The following MAGEC3 variants were observed in gnomAD, a reference collection of about 807,000 sequenced individuals.
The protein encoded by MAGEC3 is MAGE family member C3, also known as melanoma-associated antigen C3.
In MAGEC3, 34 loss-of-function variants were observed where a neutral mutation model predicts 35.3. The ratio of observed to expected loss-of-function variants is 0.96; its 90% CI spans 0.73 to 1.28. The LOEUF is 1.28. Among genes scored for constraint, MAGEC3 ranks in the 50% most tolerant of loss-of-function variants. The pLI, the probability that MAGEC3 is intolerant of heterozygous loss-of-function variation, is 0.00. For missense variants in MAGEC3, 561 were observed against 483.6 expected (o/e 1.16, Z -1.50); for synonymous variants, 202 against 185.6 (o/e 1.09, Z -0.72).
At chrX:141,863,753 C>G (rs867640366) in intron 1 of MAGEC3, among the ~76,000 whole-genome samples, 1 of 111,493 alleles carries the variant, frequency 9.0e-6, no homozygotes, top group Non-Finnish European at 1.9e-5. Flanking sequence ...TGGGGAAGTG[C>G]AAATTAAACC....
intron 4 of MAGEC3, among the ~76,000 whole-genome samples, chrX:141,889,668 A>G (rs1324336309): frequency 1.8e-5 from 2 of 112,022 alleles, no homozygotes; most frequent in African/African-American, 6.5e-5. Context: ...TAGTATTACC[A>G]TGCCCTGTGA....
chrX:141,888,037 A>G (rs2124122640), intron 4 of MAGEC3, among the ~76,000 whole-genome samples: 1 of 112,083 alleles, frequency 8.9e-6, no homozygotes, highest in South Asian at 3.8e-4. Flanking sequence ...GCATTCCATC[A>G]TCAAATGGAA....
intron 2 of MAGEC3, among the ~76,000 whole-genome samples, chrX:141,872,056 G>A (rs982007551): frequency 2.7e-5 from 3 of 110,179 alleles, no homozygotes; most frequent in African/African-American, 9.9e-5. Context: ...TAAGAAGAAG[G>A]ATTTTATGAG....
At chrX:141,839,843 G>A in intron 1 of MAGEC3, 3 of 497,942 alleles carry the variant, frequency 6.0e-6, no homozygotes, top group South Asian at 1.1e-4. Context: ...ATTGGTGGCA[G>A]CAGGGAATGC....
At chrX:141,847,699 G>C (rs747004609) in intron 1 of MAGEC3, among the ~76,000 whole-genome samples, 8 of 110,977 alleles carry the variant, frequency 7.2e-5, no homozygotes, top group Non-Finnish European at 1.3e-4. Flanking sequence ...AGAATTTATG[G>C]GGTCTGGCTA....
At chrX:141,859,064 G>A (rs1439514345) in intron 1 of MAGEC3, among the ~76,000 whole-genome samples, 2 of 90,508 alleles carry the variant, frequency 2.2e-5, no homozygotes, top group East Asian at 3.1e-4. Flanking sequence ...ATGACCATTC[G>A]CTTTGTTTCT....
intron 1 of MAGEC3, among the ~76,000 whole-genome samples, chrX:141,851,759 G>A (rs753728039): frequency 9.0e-6 from 1 of 111,104 alleles, no homozygotes; most frequent in South Asian, 3.8e-4. Flanking sequence ...CCACAAATGT[G>A]TGAATTTATT....
At chrX:141,878,652 C>T (rs971828929) in intron 2 of MAGEC3, among the ~76,000 whole-genome samples, 1 of 112,035 alleles carries the variant, frequency 8.9e-6, no homozygotes, top group Non-Finnish European at 1.9e-5. Context: ...TCCAGGCATC[C>T]CCAGGATGAC....
intron 4 of MAGEC3, among the ~76,000 whole-genome samples, chrX:141,882,612 T>G (rs1179456360): frequency 8.9e-6 from 1 of 112,430 alleles, no homozygotes; most frequent in East Asian, 2.8e-4. Flanking sequence ...GAAATAGACC[T>G]GGCTTTGCTT....
intron 3 of MAGEC3, among the ~76,000 whole-genome samples, chrX:141,880,110 C>A (rs1053882952): frequency 3.6e-5 from 4 of 111,338 alleles, no homozygotes; most frequent in African/African-American, 1.3e-4. Context: ...CTGAGGGTCC[C>A]GTGGCAAATC....
chrX:141,876,623 A>G (rs868835069), intron 2 of MAGEC3, among the ~76,000 whole-genome samples: 14 of 112,248 alleles, frequency 1.2e-4, no homozygotes, highest in South Asian at 3.7e-4. Context: ...AAGACTTATT[A>G]TTCTAAGAAT....
chrX:141,842,375 A>G (rs1183223104), intron 1 of MAGEC3, among the ~76,000 whole-genome samples: 1 of 111,696 alleles, frequency 9.0e-6, no homozygotes, highest in African/African-American at 3.2e-5. Context: ...ATGGAATTTC[A>G]GATGTCTGTT....
At chrX:141,852,360 T>C (rs2124088812) in intron 1 of MAGEC3, among the ~76,000 whole-genome samples, 1 of 110,530 alleles carries the variant, frequency 9.0e-6, no homozygotes, top group Non-Finnish European at 1.9e-5. Context: ...CCTTTAGGAT[T>C]TTCTATATAT....
chrX:141,843,334 G>T (rs1021399024), intron 1 of MAGEC3, among the ~76,000 whole-genome samples: 2 of 111,410 alleles, frequency 1.8e-5, no homozygotes, highest in Non-Finnish European at 3.8e-5. Flanking sequence ...GAAGCTACTA[G>T]GCCGGAGTAC....
intron 1 of MAGEC3, among the ~76,000 whole-genome samples, chrX:141,843,817 A>G (rs960227147): frequency 1.8e-5 from 2 of 110,822 alleles, no homozygotes; most frequent in African/African-American, 6.5e-5. Flanking sequence ...AAGAGTATAT[A>G]TAAGTGCAAT....
rs765351145 is a variant in MAGEC3 at position 141,878,460 on chromosome X, C to T, written c.259-715C>T. 2.9e-4 allele frequency among the ~76,000 whole-genome samples: 33 copies of T among 112,706 alleles called. No homozygotes were observed. The South Asian group carries it at 0.011, about 37-fold the overall frequency. On this transcript the variant is annotated intron_variant, in intron 2 of 7. Coordinates refer to ENST00000298296, the MANE Select transcript of MAGEC3 (RefSeq NM_138702.1). ...CCTCTGAGAGATAACTGCAAGACTC[C>T]CTGCCCACAAAGAGAAGGATCCACA... is the stretch of plus-strand genomic sequence containing the variant.
At chrX:141,859,244 G>A (rs1040336423) in intron 1 of MAGEC3, among the ~76,000 whole-genome samples, 4 of 110,729 alleles carry the variant, frequency 3.6e-5, no homozygotes, top group Non-Finnish European at 7.6e-5. Flanking sequence ...AGTGAATTGT[G>A]TATCTATTCT....
intron 1 of MAGEC3, among the ~76,000 whole-genome samples, chrX:141,846,380 G>A (rs763048193): frequency 5.5e-5 from 6 of 109,880 alleles, no homozygotes; most frequent in South Asian, 3.9e-4. Flanking sequence ...AACAACAGGC[G>A]AGTTGCTACA....
chrX:141,848,161 A>T (rs1415499424), intron 1 of MAGEC3, among the ~76,000 whole-genome samples: 1 of 110,084 alleles, frequency 9.1e-6, no homozygotes, highest in African/African-American at 3.3e-5. Flanking sequence ...AGGCAGCTAT[A>T]TAGAGAGATA....
Sources: allele counts gnomAD v4.1 joint callset (sites outside exome capture counted in the v4.1 genomes callset), GRCh38; gene constraint gnomAD v4.1.1; transcripts MANE v1.5; gene names NCBI Gene and HGNC (gene_info 2026-07-23, HGNC 2026-07-21).